The following OSTN variants were observed in gnomAD, a reference collection of about 807,000 sequenced individuals.
The protein encoded by OSTN is osteocrin.
Under a neutral mutation model 12.0 loss-of-function variants are expected in OSTN, and 9 were observed. The ratio of observed to expected loss-of-function variants is 0.75; its 90% CI spans 0.45 to 1.30. OSTN has a LOEUF of 1.30. Ranked by LOEUF, OSTN falls within the 50% of genes most tolerant of loss-of-function variation. The pLI, the probability that OSTN is intolerant of heterozygous loss-of-function variation, is 0.00. For missense variants in OSTN, 148 were observed against 152.3 expected (o/e 0.97, Z 0.15); for synonymous variants, 59 against 56.9 (o/e 1.04, Z -0.16).
chr3:191,254,666 C>T (rs958454326), intron 4 of OSTN, among the ~76,000 whole-genome samples: 1 of 152,180 alleles, frequency 6.6e-6, no homozygotes, highest in Admixed American at 6.5e-5. Flanking sequence ...ATTTTTCTCT[C>T]TCCACTTCCC....
At chr3:191,260,466 A>AG (rs146745091) in intron 4 of OSTN, among the ~76,000 whole-genome samples, 28,293 of 151,862 alleles carry the variant, frequency 0.19, 2,886 homozygotes, top group Admixed American at 0.25. Context: ...CAAATTTCTG[A>AG]GGGGGGTGCC....
chr3:191,259,011 T>C (rs9826372), intron 4 of OSTN, among the ~76,000 whole-genome samples: 38,035 of 151,942 alleles, frequency 0.25, 5,464 homozygotes, highest in Middle Eastern at 0.39. Context: ...GGAGGTTGCC[T>C]ACGACGCTTA....
chr3:191,227,651 A>T (rs1271577124), intron 3 of OSTN, among the ~76,000 whole-genome samples: 2 of 152,196 alleles, frequency 1.3e-5, no homozygotes, highest in Non-Finnish European at 2.9e-5. Context: ...TGACTCTTAA[A>T]GGCAGTTTGT....
At chr3:191,234,937 AG>A (rs1263816364) in intron 3 of OSTN, among the ~76,000 whole-genome samples, 1 of 152,174 alleles carries the variant, frequency 6.6e-6, no homozygotes, top group African/African-American at 2.4e-5. Flanking sequence ...GACTGAAAGT[AG>A]GGTGAGAAAA....
rs1010186981 is a variant in OSTN at position 191,265,268 on chromosome 3, T to C, written c.*2415T>C. 3.9e-5 allele frequency: 6 copies of C among 152,208 alleles called. No homozygotes were observed. Among genetic ancestry groups the C allele is most frequent in the Non-Finnish European group, 4.4e-5 (3 of 68,008 alleles). 9.4% of individuals were successfully genotyped at this position (152,208 alleles called of 1,614,324 possible). On this transcript the variant is annotated 3_prime_UTR_variant, in exon 5 of 5. Transcript: ENST00000682035. ...AAAATAATGCATTACTTTTTTCTCT[T>C]TGCTTCTGTATGAACCTTTATAGAG...
rs556322347 is a variant in OSTN at position 191,263,026 on chromosome 3, A to G, written c.*173A>G. On this transcript the variant is annotated 3_prime_UTR_variant, in exon 5 of 5. Coordinates refer to ENST00000682035, the MANE Select transcript of OSTN (RefSeq NM_198184.2). ...ACATTACAGCATTGTTACAGCTTCA[A>G]TTAAATTGTGTAAATCATTTTGATG... 2.8e-5 allele frequency: 16 copies of G among 571,238 alleles called. No individual in the cohort carries two copies. Among genetic ancestry groups the G allele is most frequent in the Admixed American group, 2.6e-4 (9 of 34,026 alleles). The allele number at this position is 571,238 out of a possible 1,614,324, so 35.4% of individuals were successfully genotyped here.
At chr3:191,254,394 T>C (rs1020114650) in intron 4 of OSTN, among the ~76,000 whole-genome samples, 1 of 152,260 alleles carries the variant, frequency 6.6e-6, no homozygotes, top group Non-Finnish European at 1.5e-5. Flanking sequence ...GTTGTTTACA[T>C]ATAAGTGGCT....
At position 191,212,555 on chromosome 3, in the gene OSTN, G is replaced by A. The variant is rs760547681; in HGVS notation, c.23G>A (p.Ser8Asn). Reference protein sequence around the residue: MLDWRLASAHFILAVTLT... With the variant: MLDWRLANAHFILAVTLT... ...TAGATGCTGGACTGGAGATTGGCAAGTGCACATTTCATCCTGGCTGTGACA... is the reference window on the plus strand; with the variant it reads ...TAGATGCTGGACTGGAGATTGGCAAATGCACATTTCATCCTGGCTGTGACA... The change falls in exon 2 of 5, where the codon AGT (serine) becomes AAT (asparagine). Residue 8 changes from serine to asparagine, a missense_variant. Coordinates refer to ENST00000682035, the MANE Select transcript of OSTN (RefSeq NM_198184.2). 5.7e-6 allele frequency: 9 copies of A among 1,591,720 alleles called. No homozygotes were observed. Among genetic ancestry groups the A allele is most frequent in the Non-Finnish European group, 7.7e-6 (9 of 1,165,868 alleles).
At chr3:191,224,379 A>G (rs749323265) in intron 3 of OSTN, among the ~76,000 whole-genome samples, 1 of 139,132 alleles carries the variant, frequency 7.2e-6, no homozygotes, top group Non-Finnish European at 1.5e-5. Context: ...TCCATCTCAG[A>G]AAAAAAAAAA....
chr3:191,239,133 A>G (rs1715265919), intron 3 of OSTN, among the ~76,000 whole-genome samples: 1 of 152,240 alleles, frequency 6.6e-6, no homozygotes, highest in African/African-American at 2.4e-5. Context: ...CAAACAAAGC[A>G]AGGAAAGGAT....
intron 3 of OSTN, among the ~76,000 whole-genome samples, chr3:191,230,812 T>G (rs1053917821): frequency 3.9e-5 from 6 of 152,164 alleles, no homozygotes; most frequent in African/African-American, 1.4e-4. Context: ...CAATGCTGTA[T>G]AAAGCAAGAA....
intron 4 of OSTN, among the ~76,000 whole-genome samples, chr3:191,257,947 T>C (rs886538327): frequency 6.6e-6 from 1 of 152,220 alleles, no homozygotes; most frequent in African/African-American, 2.4e-5. Flanking sequence ...AGGTATAGCA[T>C]ACACATCTGC....
intron 2 of OSTN, among the ~76,000 whole-genome samples, chr3:191,213,011 T>C (rs894442545): frequency 4.6e-5 from 7 of 151,198 alleles, no homozygotes; most frequent in Non-Finnish European, 8.9e-5. Context: ...GCTGGGATTA[T>C]AGGCATGTGC....
chr3:191,221,507 G>A (rs1043068558), intron 3 of OSTN, among the ~76,000 whole-genome samples: 1 of 152,162 alleles, frequency 6.6e-6, no homozygotes, highest in Non-Finnish European at 1.5e-5. Context: ...AGGTGGAGAT[G>A]AGGAACTTGT....
At chr3:191,230,336 C>A (rs1295526093) in intron 3 of OSTN, among the ~76,000 whole-genome samples, 1 of 151,484 alleles carries the variant, frequency 6.6e-6, no homozygotes, top group Non-Finnish European at 1.5e-5. Context: ...TAGGCAGAGG[C>A]GGGCAGATCA....
At chr3:191,256,294 C>T (rs1402206477) in intron 4 of OSTN, among the ~76,000 whole-genome samples, 3 of 152,108 alleles carry the variant, frequency 2.0e-5, no homozygotes, top group Non-Finnish European at 4.4e-5. Context: ...CTTGACAATG[C>T]TTCCTGTATA....
intron 3 of OSTN, among the ~76,000 whole-genome samples, chr3:191,223,456 C>T (rs997232672): frequency 9.9e-5 from 15 of 152,202 alleles, no homozygotes; most frequent in East Asian, 3.9e-4. Context: ...TTATAGTACA[C>T]GGTTTGAAAA....
chr3:191,242,192 A>C (rs1238544084), intron 3 of OSTN, among the ~76,000 whole-genome samples: 2 of 152,226 alleles, frequency 1.3e-5, no homozygotes. Context: ...TAAATTAATA[A>C]TAGAAGGAAA....
At chr3:191,258,534 A>C (rs112836386) in intron 4 of OSTN, among the ~76,000 whole-genome samples, 1 of 40,678 alleles carries the variant, frequency 2.5e-5, no homozygotes, top group African/African-American at 2.7e-4. Flanking sequence ...GAGAAACACC[A>C]AATGCACGCG....
Sources: allele counts gnomAD v4.1 joint callset (sites outside exome capture counted in the v4.1 genomes callset), GRCh38; gene constraint gnomAD v4.1.1; transcripts MANE v1.5; gene names NCBI Gene and HGNC (gene_info 2026-07-23, HGNC 2026-07-21).